The following FRMD4B variants were observed in gnomAD, a reference collection of about 807,000 sequenced individuals.
The protein encoded by FRMD4B is FERM domain containing 4B.
Under a neutral mutation model 141.5 loss-of-function variants are expected in FRMD4B, and 74 were observed. The ratio of observed to expected loss-of-function variants is 0.52; its 90% CI spans 0.43 to 0.63. The LOEUF (loss-of-function observed/expected upper bound fraction) is 0.63, where lower values mean the gene tolerates loss of function less well. Ranked by LOEUF, FRMD4B falls within the 30% of genes least tolerant of loss-of-function variation. The probability of loss-of-function intolerance (pLI) is 0.00; values close to 1 mark genes in which losing one functional copy is unlikely to be tolerated. For missense variants in FRMD4B, 1,366 were observed against 1,253.4 expected (o/e 1.09, Z -1.36); for synonymous variants, 506 against 467.9 (o/e 1.08, Z -1.05).
intron 1 of FRMD4B, among the ~76,000 whole-genome samples, chr3:69,484,709 C>A (rs1472138131): frequency 5.3e-5 from 8 of 151,898 alleles, no homozygotes; most frequent in Admixed American, 5.2e-4. Flanking sequence ...TGCTGGTTGT[C>A]CAGTCATCTC....
chr3:69,215,282 C>CTTTGTTTTTTTTTTTT (rs1559724064), intron 11 of FRMD4B, among the ~76,000 whole-genome samples: 1 of 37,472 alleles, frequency 2.7e-5, no homozygotes, highest in African/African-American at 6.6e-5. Context: ...GATTGTGACC[C>CTTTGTTTTTTTTTTTT]TCTTTTTTTT....
In FRMD4B at chr3:69,171,566, A is replaced by G. The variant is rs1254162779; in HGVS notation, c.*295T>C. On this transcript the variant is annotated 3_prime_UTR_variant, in exon 23 of 23. Coordinates refer to ENST00000398540, the MANE Select transcript of FRMD4B (RefSeq NM_015123.3). ...TTTAACAACTTTTACTCCCTTAAAA[A>G]GTGCTTGCTATTGATGAAGGCTTCA... 8.2e-6 allele frequency: 2 copies of G among 242,454 alleles called. No homozygotes were observed. The highest frequency in any genetic ancestry group is 5.3e-5 in the Admixed American group (1 of 18,940). The allele number at this position is 242,454 out of a possible 1,614,324, so 15.0% of individuals were successfully genotyped here. A position where few individuals can be genotyped will look rare whatever the true frequency, so the allele number is the denominator to read the frequency against.
chr3:69,343,019 C>T, intron 1 of FRMD4B, among the ~76,000 whole-genome samples: 1 of 151,944 alleles, frequency 6.6e-6, no homozygotes, highest in East Asian at 1.9e-4. Flanking sequence ...GTAGCACAAT[C>T]CATAGCTCGC....
upstream of FRMD4B, among the ~76,000 whole-genome samples, chr3:69,389,045 T>C (rs1231928506): frequency 6.6e-6 from 1 of 150,836 alleles, no homozygotes; most frequent in Non-Finnish European, 1.5e-5. Context: ...TTTTTTTTTT[T>C]TTTTTTGAAA....
intron 18 of FRMD4B, among the ~76,000 whole-genome samples, chr3:69,189,674 G>A (rs776830182): frequency 3.3e-5 from 5 of 152,134 alleles, no homozygotes; most frequent in African/African-American, 4.8e-5. Context: ...ATTCTGATTC[G>A]CTGAGGTCAT....
chr3:69,206,329 G>A (rs527686290), intron 11 of FRMD4B, among the ~76,000 whole-genome samples: 3 of 151,954 alleles, frequency 2.0e-5, no homozygotes, highest in African/African-American at 4.8e-5. Flanking sequence ...CAGCCTGGGC[G>A]ACAGAGTGAC....
At chr3:69,264,935 G>A (rs2106881814) in intron 5 of FRMD4B, among the ~76,000 whole-genome samples, 1 of 152,174 alleles carries the variant, frequency 6.6e-6, no homozygotes. Flanking sequence ...GTGAATTAAT[G>A]CTCAGCCGTG....
chr3:69,435,810 T>A (rs1484620812), intron 1 of FRMD4B, among the ~76,000 whole-genome samples: 1 of 152,066 alleles, frequency 6.6e-6, no homozygotes, highest in South Asian at 2.1e-4. Flanking sequence ...CTGTGTATAG[T>A]CAAAATGAAC....
At chr3:69,394,037 G>A (rs1704433623) in intron 2 of FRMD4B, among the ~76,000 whole-genome samples, 1 of 152,172 alleles carries the variant, frequency 6.6e-6, no homozygotes, top group African/African-American at 2.4e-5. Context: ...AATTTATAAG[G>A]TATTGTCTTA....
At chr3:69,264,094 C>T (rs2093545963) in intron 5 of FRMD4B, among the ~76,000 whole-genome samples, 1 of 152,016 alleles carries the variant, frequency 6.6e-6, no homozygotes, top group Admixed American at 6.6e-5. Flanking sequence ...AAGTGTCAAC[C>T]CCATTCTTAA....
intron 3 of FRMD4B, among the ~76,000 whole-genome samples, chr3:69,306,026 A>AT (rs1211806805): frequency 3.3e-5 from 5 of 152,254 alleles, no homozygotes. Context: ...CAACCATGAC[A>AT]TTAAAGAAGA....
chr3:69,221,729 T>C, intron 9 of FRMD4B, 129 bp downstream of exon 9: 1 of 652,826 alleles, frequency 1.5e-6, no homozygotes, highest in Non-Finnish European at 2.8e-6. Context: ...CATTTTCTAA[T>C]TCACAGTAAG....
At chr3:69,459,824 T>G (rs1385746120) in intron 1 of FRMD4B, among the ~76,000 whole-genome samples, 1 of 152,252 alleles carries the variant, frequency 6.6e-6, no homozygotes, top group African/African-American at 2.4e-5. Flanking sequence ...TTACCTCTTT[T>G]GTGTTCCATA....
At chr3:69,504,610 G>A (rs1706564566) in intron 1 of FRMD4B, among the ~76,000 whole-genome samples, 1 of 152,212 alleles carries the variant, frequency 6.6e-6, no homozygotes, top group African/African-American at 2.4e-5. Context: ...TAATGTTTGT[G>A]AGGCTCATCC....
intron 1 of FRMD4B, among the ~76,000 whole-genome samples, chr3:69,527,814 T>G (rs1433931040): frequency 6.6e-6 from 1 of 152,132 alleles, no homozygotes; most frequent in Admixed American, 6.5e-5. Context: ...GATTCTCAAG[T>G]CTTCTTTTTT....
chr3:69,533,723 C>G (rs1321037085), intron 1 of FRMD4B, among the ~76,000 whole-genome samples: 1 of 152,158 alleles, frequency 6.6e-6, no homozygotes, highest in East Asian at 1.9e-4. Context: ...GAACTCTCCA[C>G]CTGCTGCTGC....
intron 2 of FRMD4B, among the ~76,000 whole-genome samples, chr3:69,415,149 C>T (rs1037321365): frequency 3.3e-5 from 5 of 152,134 alleles, no homozygotes; most frequent in Admixed American, 6.5e-5. Context: ...CAGGCATGAG[C>T]GACTGTGCCC....
At chr3:69,463,409 T>C (rs996683255) in intron 1 of FRMD4B, among the ~76,000 whole-genome samples, 1 of 152,242 alleles carries the variant, frequency 6.6e-6, no homozygotes, top group Non-Finnish European at 1.5e-5. Context: ...ACATACCATA[T>C]ACCACTTCCA....
intron 4 of FRMD4B, among the ~76,000 whole-genome samples, chr3:69,296,548 C>A (rs1701040855): frequency 6.6e-6 from 1 of 152,070 alleles, no homozygotes; most frequent in African/African-American, 2.4e-5. Context: ...CTTTGTATTA[C>A]CCATGGTCTG....
Sources: gnomAD v4.1 joint callset for allele counts (sites outside exome capture counted in the v4.1 genomes callset) on GRCh38, gnomAD v4.1.1 for gene constraint, MANE v1.5 for transcripts, NCBI Gene and HGNC (gene_info 2026-07-23, HGNC 2026-07-21) for gene names.